The following NAV2 variants were observed in gnomAD, a reference collection of about 807,000 sequenced individuals.
NAV2 encodes helicase, APC down-regulated 1.
NAV2 carries 54 observed loss-of-function variants against 223.2 expected under a neutral mutation model. That is an observed-to-expected ratio of 0.24 (90% CI 0.19 to 0.30). NAV2 has a LOEUF of 0.30. Ranked by LOEUF, NAV2 falls within the 10% of genes least tolerant of loss-of-function variation. The pLI, the probability that NAV2 is intolerant of heterozygous loss-of-function variation, is 1.00. For synonymous variants in NAV2, 1,279 were observed against 1,239.3 expected (o/e 1.03, Z -0.67); for missense variants, 2,806 against 3,147.5 (o/e 0.89, Z 2.60).
rs12281448 is a variant in NAV2 at position 19,671,071 on chromosome 11, G to C, written c.76-161413G>C. 1.8e-3 allele frequency among the ~76,000 whole-genome samples: 280 copies of C among 152,316 alleles called. 1 individual carries two copies. Among genetic ancestry groups the C allele is most frequent in the African/African-American group, 6.4e-3 (267 of 41,564 alleles). Reference sequence around the variant, plus strand: ...GCATGCTAAGTGCACAGAGCAGGCTGGAGCTTGGGCTGACAGGCATTTTGA... The same window carrying C: ...GCATGCTAAGTGCACAGAGCAGGCTCGAGCTTGGGCTGACAGGCATTTTGA... On this transcript the variant is annotated intron_variant, in intron 1 of 37. Transcript: ENST00000360655.
chr11:19,743,615 A>G (rs2053056603), intron 1 of NAV2, among the ~76,000 whole-genome samples: 1 of 152,264 alleles, frequency 6.6e-6, no homozygotes, highest in African/African-American at 2.4e-5. Flanking sequence ...AATGAAGGAC[A>G]AGATGCAGAA....
At chr11:20,073,305 A>C (rs1474244083) in intron 22 of NAV2, among the ~76,000 whole-genome samples, 1 of 152,150 alleles carries the variant, frequency 6.6e-6, no homozygotes, top group Non-Finnish European at 1.5e-5. Context: ...ATGGTGGATA[A>C]GCTTTTTGAT....
At chr11:19,669,968 A>G (rs1411632446) in intron 1 of NAV2, among the ~76,000 whole-genome samples, 2 of 152,018 alleles carry the variant, frequency 1.3e-5, no homozygotes, top group Non-Finnish European at 2.9e-5. Flanking sequence ...ACATCAACAT[A>G]CTCAGGAAAA....
intron 1 of NAV2, among the ~76,000 whole-genome samples, chr11:19,619,672 A>G (rs1264978202): frequency 2.0e-5 from 3 of 152,154 alleles, no homozygotes; most frequent in Non-Finnish European, 2.9e-5. Flanking sequence ...CCTTTGTCAG[A>G]TGGGTATATT....
At chr11:19,762,329 A>G (rs534983753) in intron 1 of NAV2, among the ~76,000 whole-genome samples, 2 of 152,250 alleles carry the variant, frequency 1.3e-5, no homozygotes, top group East Asian at 1.9e-4. Context: ...ATGACTCCCC[A>G]TTGCTGTCAG....
intron 5 of NAV2, among the ~76,000 whole-genome samples, chr11:19,886,172 C>G (rs560907448): frequency 6.7e-6 from 1 of 150,028 alleles, no homozygotes; most frequent in East Asian, 2.0e-4. Context: ...AAGGTGGGGT[C>G]TCTCAATGTT....
chr11:19,702,142 C>T (rs2049526792), intron 1 of NAV2, among the ~76,000 whole-genome samples: 1 of 152,182 alleles, frequency 6.6e-6, no homozygotes, highest in Admixed American at 6.5e-5. Context: ...AATTGATTTC[C>T]TAGTCCTTGT....
At chr11:19,631,976 T>G (rs991727776) in intron 1 of NAV2, among the ~76,000 whole-genome samples, 1 of 152,262 alleles carries the variant, frequency 6.6e-6, no homozygotes, top group Non-Finnish European at 1.5e-5. Context: ...GCCTCATTGT[T>G]TGTTTGCATT....
At chr11:19,345,393 G>A in the NAV2 span, among the ~76,000 whole-genome samples, 6 of 152,250 alleles carry the variant, frequency 3.9e-5, no homozygotes, top group East Asian at 9.6e-4. This position sits in a 1 kb window ranked among gnomAD's most constrained non-coding sequence, Gnocchi z 5.2. Flanking sequence ...AAAGTTTGCG[G>A]TGCAACTGGG....
chr11:19,397,515 C>T lies in NAV2; in HGVS notation c.75+46488C>T, dbSNP rs370534720. 2.6e-5 allele frequency among the ~76,000 whole-genome samples: 4 copies of T among 151,922 alleles called. No homozygotes were observed. In the East Asian group the frequency reaches 5.8e-4, roughly 22 times the overall value. On this transcript the variant is annotated intron_variant, in intron 1 of 37. Coordinates refer to the NAV2 transcript ENST00000360655. ...GCTTATCAAACTGTCACAGTGGTTA[C>T]CTCTGGTACATGTGTTTATGGATAA... is the stretch of plus-strand genomic sequence containing the variant.
intron 11 of NAV2, among the ~76,000 whole-genome samples, chr11:19,990,350 C>T (rs772091122): frequency 2.6e-5 from 4 of 152,160 alleles, no homozygotes; most frequent in Non-Finnish European, 5.9e-5. Context: ...TCCAAGGCCA[C>T]CAGATCTGCA....
chr11:19,715,047 A>G (rs893927223), intron 1 of NAV2, among the ~76,000 whole-genome samples: 2 of 152,082 alleles, frequency 1.3e-5, no homozygotes, highest in Admixed American at 1.3e-4. Flanking sequence ...TTCCCTGCTG[A>G]CACCATCTCC....
chr11:19,614,363 CTTTCT>C (rs1173701590), intron 1 of NAV2, among the ~76,000 whole-genome samples: 1 of 152,118 alleles, frequency 6.6e-6, no homozygotes, highest in African/African-American at 2.4e-5. Flanking sequence ...TAGCGTGTGC[CTTTCT>C]TTTGGCTCCA....
At position 19,883,641 on chromosome 11, in the gene NAV2, G is replaced by A. The variant is rs897831790; in HGVS notation, c.770+3514G>A. Among the ~76,000 whole-genome samples the A allele has an allele frequency of 2.6e-5, 4 of 152,350 alleles. No individual in the cohort carries two copies. In the East Asian group the frequency reaches 5.8e-4, roughly 22 times the overall value. ...TCCTTTCATGAACATGGTACAGGAT[G>A]TATGGATGCAAGAAAGATAAATATT... On this transcript the variant is annotated intron_variant, in intron 5 of 37. Transcript: ENST00000349880.
At chr11:20,098,554 C>A (rs533272753) in intron 31 of NAV2, among the ~76,000 whole-genome samples, 9 of 152,296 alleles carry the variant, frequency 5.9e-5, no homozygotes, top group African/African-American at 2.2e-4. Context: ...AGGCACTGCT[C>A]TTGACTGCAG....
Position 19,713,974 on chromosome 11 carries a change from C to G in NAV2, c.267+12C>G, listed in dbSNP as rs756980975. 1 of 1,612,366 alleles carries G rather than the reference C, an allele frequency of 6.2e-7. No individual in the cohort carries two copies. Among genetic ancestry groups the G allele is most frequent in the Non-Finnish European group, 8.5e-7 (1 of 1,179,578 alleles). ...GGTTCGATACCCAGGTGAGAGATGC[C>G]GTTTGCCGGGGTACTGTTCTGGAAG... On this transcript the variant is annotated intron_variant, in intron 1 of 37. Coordinates refer to ENST00000349880, the MANE Select transcript of NAV2 (RefSeq NM_145117.5). The surrounding 1 kb of genome is among the most constrained non-coding windows in gnomAD (Gnocchi z 7.2).
intron 1 of NAV2, among the ~76,000 whole-genome samples, chr11:19,526,985 G>C (rs2043860041): frequency 6.6e-6 from 1 of 152,064 alleles, no homozygotes; most frequent in Non-Finnish European, 1.5e-5. Flanking sequence ...GCTGCTGCTG[G>C]GGAGGGAGAG....
chr11:19,353,341 A>C (rs962924987), intron 1 of NAV2, among the ~76,000 whole-genome samples: 3 of 152,198 alleles, frequency 2.0e-5, no homozygotes, highest in African/African-American at 7.2e-5. Context: ...TAGCTTGGTG[A>C]TTGCTGGGGG....
At chr11:19,834,989 G>A (rs1462690854) in intron 2 of NAV2, among the ~76,000 whole-genome samples, 5 of 152,222 alleles carry the variant, frequency 3.3e-5, no homozygotes, top group African/African-American at 1.2e-4. Context: ...GGATGATGAG[G>A]TCTCAATATC....
Sources: allele counts gnomAD v4.1 joint callset (sites outside exome capture counted in the v4.1 genomes callset), GRCh38; gene constraint gnomAD v4.1.1; non-coding constraint Gnocchi (gnomAD v3.1); transcripts MANE v1.5; gene names NCBI Gene and HGNC (gene_info 2026-07-23, HGNC 2026-07-21).